The following MAML2 variants were observed in gnomAD, a reference collection of about 807,000 sequenced individuals.
MAML2 encodes mastermind-like protein 2.
Under a neutral mutation model 96.1 loss-of-function variants are expected in MAML2, and 22 were observed. The ratio of observed to expected loss-of-function variants is 0.23; its 90% confidence interval spans 0.16 to 0.33. The LOEUF (loss-of-function observed/expected upper bound fraction) is 0.33, where lower values mean the gene tolerates loss of function less well. MAML2 is among the 10% of genes least tolerant of loss of function. MAML2 has a pLI of 1.00. For synonymous variants in MAML2, 561 were observed against 521.3 expected (o/e 1.08, Z -1.04); for missense variants, 1,367 against 1,392.4 (o/e 0.98, Z 0.29).
intron 1 of MAML2, among the ~76,000 whole-genome samples, chr11:96,290,415 A>C (rs892547916): frequency 6.6e-6 from 1 of 152,178 alleles, no homozygotes; most frequent in African/African-American, 2.4e-5. Flanking sequence ...TGTTGCTTCT[A>C]TTCTGCTTCT....
intron 1 of MAML2, among the ~76,000 whole-genome samples, chr11:96,107,849 C>G (rs1018071618): frequency 6.6e-6 from 1 of 152,214 alleles, no homozygotes; most frequent in Non-Finnish European, 1.5e-5. Context: ...AGGTAGGGCA[C>G]CCAGGGAGGG....
intron 1 of MAML2, among the ~76,000 whole-genome samples, chr11:96,111,351 C>T (rs951223180): frequency 6.6e-6 from 1 of 152,042 alleles, no homozygotes; most frequent in African/African-American, 2.4e-5. Context: ...CTAGCAAATT[C>T]ACTGCTTCAT....
chr11:96,112,432 C>G (rs1331939975), intron 1 of MAML2, among the ~76,000 whole-genome samples: 1 of 152,276 alleles, frequency 6.6e-6, no homozygotes, highest in Non-Finnish European at 1.5e-5. Context: ...CAGGGCTCCG[C>G]CCAAGAACCT....
intron 2 of MAML2, among the ~76,000 whole-genome samples, chr11:96,043,877 A>C (rs1403330853): frequency 6.6e-6 from 1 of 152,244 alleles, no homozygotes; most frequent in Non-Finnish European, 1.5e-5. Context: ...CAACAGAGGC[A>C]TTCAAAGAAA....
chr11:96,251,202 G>A (rs992622420), intron 1 of MAML2, among the ~76,000 whole-genome samples: 33 of 152,182 alleles, frequency 2.2e-4, no homozygotes, highest in African/African-American at 7.2e-4. Flanking sequence ...CCCGCAAAAT[G>A]TTGTCTTTTA....
chr11:96,235,881 A>G (rs1862360888), intron 1 of MAML2, among the ~76,000 whole-genome samples: 1 of 152,206 alleles, frequency 6.6e-6, no homozygotes, highest in Non-Finnish European at 1.5e-5. Context: ...TTAGAGCTGG[A>G]GAGAGAACTA....
chr11:96,074,096 C>G (rs1001456680), intron 2 of MAML2, among the ~76,000 whole-genome samples: 7 of 152,054 alleles, frequency 4.6e-5, no homozygotes, highest in Admixed American at 2.0e-4. Context: ...TTTTAATGTA[C>G]TTACACAGAA....
chr11:96,128,993 T>TCC, intron 1 of MAML2, among the ~76,000 whole-genome samples: 1 of 152,312 alleles, frequency 6.6e-6, no homozygotes, highest in Admixed American at 6.5e-5. Flanking sequence ...CAATCCATTG[T>TCC]TAGGCATTTT....
intron 1 of MAML2, among the ~76,000 whole-genome samples, chr11:96,192,903 G>T (rs996459044): frequency 6.6e-6 from 1 of 152,204 alleles, no homozygotes; most frequent in African/African-American, 2.4e-5. Context: ...TTTGTGTGCA[G>T]CAGAATTGAA....
chr11:96,246,515 C>T (rs1478314285), intron 1 of MAML2, among the ~76,000 whole-genome samples: 2 of 152,038 alleles, frequency 1.3e-5, no homozygotes, highest in African/African-American at 4.8e-5. Flanking sequence ...GATCTACCTC[C>T]TCAACATATC....
At chr11:95,994,402 C>T (rs906201547) in intron 2 of MAML2, among the ~76,000 whole-genome samples, 1 of 152,162 alleles carries the variant, frequency 6.6e-6, no homozygotes, top group African/African-American at 2.4e-5. Context: ...CTATAAGCCA[C>T]TAAGAATGTG....
intron 2 of MAML2, among the ~76,000 whole-genome samples, chr11:96,028,591 A>G (rs1355158266): frequency 6.6e-6 from 1 of 152,254 alleles, no homozygotes; most frequent in African/African-American, 2.4e-5. Context: ...TGCCTGGCAC[A>G]TAATAGGCAC....
chr11:96,184,808 C>G (rs1212420320), intron 1 of MAML2, among the ~76,000 whole-genome samples: 1 of 152,012 alleles, frequency 6.6e-6, no homozygotes, highest in Admixed American at 6.5e-5. Context: ...CCAGGATGTT[C>G]TCGACCTCCT....
chr11:96,301,357 T>C (rs1863384267), intron 1 of MAML2, among the ~76,000 whole-genome samples: 1 of 152,186 alleles, frequency 6.6e-6, no homozygotes, highest in Admixed American at 6.5e-5. Flanking sequence ...AGCGTACAAC[T>C]GGAGAATGAG....
chr11:95,990,251 C>T (rs1857889295), intron 3 of MAML2, among the ~76,000 whole-genome samples: 1 of 151,986 alleles, frequency 6.6e-6, no homozygotes, highest in Admixed American at 6.6e-5. Context: ...AGTACTTCCC[C>T]TTGTGTTAAA....
At chr11:96,126,942 G>A (rs971695480) in intron 1 of MAML2, among the ~76,000 whole-genome samples, 3 of 152,136 alleles carry the variant, frequency 2.0e-5, no homozygotes, top group Non-Finnish European at 4.4e-5. Context: ...AAAAAGGCTT[G>A]AGCAGTATGG....
At chr11:96,015,698 T>C (rs571851131) in intron 2 of MAML2, among the ~76,000 whole-genome samples, 2 of 151,804 alleles carry the variant, frequency 1.3e-5, no homozygotes, top group South Asian at 4.2e-4. Context: ...ATAAGTGAAT[T>C]GTCTGCAGGC....
At chr11:96,138,823 AG>A (rs1178947121) in intron 1 of MAML2, among the ~76,000 whole-genome samples, 1 of 152,172 alleles carries the variant, frequency 6.6e-6, no homozygotes, top group Non-Finnish European at 1.5e-5. Context: ...GTATTGTCCT[AG>A]GGTGCTTGAT....
At chr11:95,985,077 G>A (rs1264369497) in intron 4 of MAML2, among the ~76,000 whole-genome samples, 5 of 152,166 alleles carry the variant, frequency 3.3e-5, no homozygotes, top group African/African-American at 1.2e-4. Flanking sequence ...AACTAAATCT[G>A]CTTTTCAAGT....
Sources: gnomAD v4.1 joint callset for allele counts (sites outside exome capture counted in the v4.1 genomes callset) on GRCh38, gnomAD v4.1.1 for gene constraint, MANE v1.5 for transcripts, NCBI Gene and HGNC (gene_info 2026-07-23, HGNC 2026-07-21) for gene names.